SPADH: variants seen among roughly 807,000 people sequenced by gnomAD.
SPADH encodes CUB domain-containing protein.
chr10:122,675,268 G>A, the SPADH span, among the ~76,000 whole-genome samples: 2 of 152,146 alleles, frequency 1.3e-5, no homozygotes, highest in Admixed American at 6.5e-5. Context: ...GGAATGTCTC[G>A]GATAATTCAA....
chr10:122,676,021 C>T, the SPADH span, among the ~76,000 whole-genome samples: 2 of 152,222 alleles, frequency 1.3e-5, no homozygotes, highest in African/African-American at 4.8e-5. Flanking sequence ...GTCTGGAGAT[C>T]TGAGGAGCTG....
chr10:122,676,862 G>C, the SPADH span: 1 of 985,382 alleles, frequency 1.0e-6, no homozygotes, highest in Non-Finnish European at 1.2e-6. Context: ...ACCCCGGGGA[G>C]ATAGTCACGG....
At chr10:122,677,526 A>G in the SPADH span, among the ~76,000 whole-genome samples, 2 of 152,210 alleles carry the variant, frequency 1.3e-5, no homozygotes, top group Non-Finnish European at 2.9e-5. Context: ...GAATGAATGA[A>G]TGAAGTGATA....
chr10:122,674,875 A>AC, the SPADH span, among the ~76,000 whole-genome samples: 1 of 152,078 alleles, frequency 6.6e-6, no homozygotes, highest in South Asian at 2.1e-4. Context: ...AGAGTTAAAA[A>AC]CTTTGTCCAA....
chr10:122,679,111 C>A, the SPADH span: 1 of 680,996 alleles, frequency 1.5e-6, no homozygotes, highest in Non-Finnish European at 1.8e-6. Flanking sequence ...CCTGGTTCTG[C>A]ATATGTTGGA....
At chr10:122,679,058 C>T in the SPADH span, 29 of 981,282 alleles carry the variant, frequency 3.0e-5, no homozygotes, top group Non-Finnish European at 2.9e-5. Context: ...ATAGGAAGAT[C>T]GGGGGAAGAG....
the SPADH span, chr10:122,679,114 A>G: frequency 1.5e-6 from 1 of 645,894 alleles, no homozygotes; most frequent in African/African-American, 2.0e-5. Flanking sequence ...GGTTCTGCAT[A>G]TGTTGGACAG....
the SPADH span, among the ~76,000 whole-genome samples, chr10:122,677,336 T>C: frequency 1.3e-5 from 2 of 152,190 alleles, no homozygotes; most frequent in African/African-American, 4.8e-5. Context: ...ACAACCTCCA[T>C]AACAATAAAA....
chr10:122,676,182 G>T, the SPADH span, among the ~76,000 whole-genome samples: 1 of 152,226 alleles, frequency 6.6e-6, no homozygotes, highest in Non-Finnish European at 1.5e-5. Context: ...TGATTGATTG[G>T]TGGATTCACC....
chr10:122,676,494 T>G, the SPADH span, among the ~76,000 whole-genome samples: 1 of 152,226 alleles, frequency 6.6e-6, no homozygotes, highest in Non-Finnish European at 1.5e-5. Flanking sequence ...AAAGTTTTAG[T>G]AAGGGGAGTT....
chr10:122,678,049 G>C, the SPADH span, among the ~76,000 whole-genome samples: 12 of 152,156 alleles, frequency 7.9e-5, no homozygotes, highest in African/African-American at 2.9e-4. Context: ...ACCAAGGAGG[G>C]ACACAGGCTG....
At chr10:122,678,447 T>C in the SPADH span, among the ~76,000 whole-genome samples, 1 of 152,160 alleles carries the variant, frequency 6.6e-6, no homozygotes, top group East Asian at 1.9e-4. Context: ...GTGATTTTTG[T>C]CCTGACACAG....
the SPADH span, among the ~76,000 whole-genome samples, chr10:122,678,481 C>T: frequency 6.6e-6 from 1 of 152,148 alleles, no homozygotes; most frequent in Admixed American, 6.6e-5. Flanking sequence ...AGGAAACATA[C>T]CACTCTGCTG....
the SPADH span, chr10:122,675,545 C>G: frequency 3.0e-5 from 10 of 333,838 alleles, no homozygotes; most frequent in Non-Finnish European, 4.3e-5. Context: ...TGCACTCAAG[C>G]TCCTCTTCAC....
chr10:122,675,631 T>C, the SPADH span: 2 of 983,566 alleles, frequency 2.0e-6, no homozygotes, highest in Admixed American at 1.2e-4. Context: ...TGTTTTGTTT[T>C]GTCTTTCAGC....
At chr10:122,676,675 C>G in the SPADH span, 1 of 968,430 alleles carries the variant, frequency 1.0e-6, no homozygotes, top group Non-Finnish European at 1.2e-6. Flanking sequence ...TCAGTAATAA[C>G]AGGGGCCCCT....
chr10:122,674,772 G>C, the SPADH span, among the ~76,000 whole-genome samples: 1 of 152,236 alleles, frequency 6.6e-6, no homozygotes, highest in Non-Finnish European at 1.5e-5. Flanking sequence ...CCTGTGCTGG[G>C]CATTGGGCCA....
chr10:122,678,331 G>A, the SPADH span, among the ~76,000 whole-genome samples: 1 of 152,176 alleles, frequency 6.6e-6, no homozygotes, highest in South Asian at 2.1e-4. Flanking sequence ...GAGTAAGCAA[G>A]GCCAAGCTTA....
the SPADH span, among the ~76,000 whole-genome samples, chr10:122,673,420 G>T: frequency 6.6e-6 from 1 of 152,304 alleles, no homozygotes; most frequent in Non-Finnish European, 1.5e-5. Flanking sequence ...CCAGCGGGTT[G>T]TCACATGGCT....
Sources: gnomAD v4.1 joint callset for allele counts (sites outside exome capture counted in the v4.1 genomes callset) on GRCh38, gnomAD v4.1.1 for gene constraint, MANE v1.5 for transcripts, NCBI Gene and HGNC (gene_info 2026-07-23, HGNC 2026-07-21) for gene names.